Variants in ZNF564 observed in about 807,000 individuals in gnomAD.
The protein encoded by ZNF564 is zinc finger protein 564.
In ZNF564, 5 loss-of-function variants were observed where a neutral mutation model predicts 10.5. The ratio of observed to expected loss-of-function variants is 0.48; its 90% confidence interval spans 0.25 to 1.00. ZNF564 has a LOEUF of 1.00. Among genes scored for constraint, ZNF564 ranks in the 50% least tolerant of loss-of-function variants. The probability of loss-of-function intolerance (pLI) is 0.16; values close to 1 mark genes in which losing one functional copy is unlikely to be tolerated. For synonymous variants in ZNF564, 242 were observed against 218.1 expected (o/e 1.11, Z -0.97); for missense variants, 603 against 669.7 (o/e 0.90, Z 1.10).
chr19:12,528,226 C>G, intron 3 of ZNF564, 78 bp downstream of exon 3: 1 of 1,345,916 alleles, frequency 7.4e-7, no homozygotes. Context: ...GCTGGGCTTA[C>G]TGGTTTGTTT....
chr19:12,532,057 A>C (rs1355500127), intron 1 of ZNF564, among the ~76,000 whole-genome samples: 3 of 152,150 alleles, frequency 2.0e-5, no homozygotes, highest in Admixed American at 6.5e-5. Context: ...AAAGGAAAAA[A>C]CACAGAGATA....
In ZNF564 at chr19:12,527,010, T is replaced by C. The variant is rs1427961591; in HGVS notation, c.1098A>G (p.Glu366=). 6.2e-7 allele frequency: 1 copy of C among 1,614,020 alleles called. No homozygotes were observed. Among genetic ancestry groups the C allele is most frequent in the South Asian group, 1.1e-5 (1 of 91,068 alleles). The change falls in exon 4 of 4, where the codon GAA becomes GAG. Residue 366 remains glutamate, a synonymous_variant. Coordinates refer to ENST00000339282, the MANE Select transcript of ZNF564 (RefSeq NM_144976.4). ...ERTHTGEKPY[E]CKECGKAFIS... ...TGAAGGCTTTCCCGCATTCCTTACA[T>C]TCATAGGGCTTCTCTCCAGTGTGAG...
chr19:12,535,945 G>A (rs2021901154), intron 1 of ZNF564, among the ~76,000 whole-genome samples: 1 of 150,792 alleles, frequency 6.6e-6, no homozygotes, highest in Non-Finnish European at 1.5e-5. Context: ...CCCGGGAGGT[G>A]CAGGTTGCAC....
In ZNF564 at chr19:12,528,555, T is replaced by A; in HGVS notation, c.130+15A>T. 6.2e-7 allele frequency: 1 copy of A among 1,609,882 alleles called. No individual in the cohort carries two copies. The highest frequency in any genetic ancestry group is 8.5e-7 in the Non-Finnish European group (1 of 1,179,042). On this transcript the variant is annotated intron_variant, in intron 2 of 3. Coordinates refer to ENST00000339282, the MANE Select transcript of ZNF564 (RefSeq NM_144976.4). ...TTCTCTAACTGACTAAAAGAAGGAA[T>A]GATGTCATCCTTACCTACACAGGCC...
At chr19:12,533,544 T>G (rs933568108) in intron 1 of ZNF564, among the ~76,000 whole-genome samples, 2 of 151,922 alleles carry the variant, frequency 1.3e-5, no homozygotes, top group African/African-American at 4.8e-5. Flanking sequence ...CTGGACAACA[T>G]GGTAAAACCT....
In ZNF564 at chr19:12,527,244, C is replaced by T; in HGVS notation, c.864G>A (p.Lys288=). 6.2e-7 allele frequency: 1 copy of T among 1,613,434 alleles called. No homozygotes were observed. Among genetic ancestry groups the T allele is most frequent in the African/African-American group, 1.3e-5 (1 of 74,768 alleles). Reference sequence around the variant, plus strand: ...GAAAATTTGTGAAAGAAATGAAGGCCTTCCCACACTGTTTACATTCATGGG... The same window carrying T: ...GAAAATTTGTGAAAGAAATGAAGGCTTTCCCACACTGTTTACATTCATGGG... The part of the protein sequence containing the change: ...EKPHECKQCG[K]AFISFTNFQS... Residue 288 remains lysine (K), a synonymous_variant, in exon 4 of 4, where the codon AAG becomes AAA. Transcript: ENST00000339282.
rs763823431 is a variant in ZNF564, at chr19:12,526,874, C to T, written c.1234G>A (p.Glu412Lys). ...GGTTTCTCTCCAGTGTGAGTTCTTT[C>T]GTGTATTTGAAATGAACTGGGACAG... Reference protein sequence around the residue: ...FDCPSSFQIHERTHTGEKPYE... With the variant: ...FDCPSSFQIHKRTHTGEKPYE... Residue 412 changes from glutamate to lysine, a missense_variant, in exon 4 of 4, where the codon GAA (glutamate) becomes AAA (lysine). Coordinates refer to ENST00000339282, the MANE Select transcript of ZNF564 (RefSeq NM_144976.4). The T allele has an allele frequency of 5.1e-5, 82 of 1,613,946 alleles. 1 individual carries two copies. In the Admixed American group the frequency reaches 6.2e-4, roughly 12 times the overall value.
At chr19:12,547,907 G>A (rs551683274) in intron 1 of ZNF564, among the ~76,000 whole-genome samples, 2 of 152,010 alleles carry the variant, frequency 1.3e-5, no homozygotes, top group South Asian at 2.1e-4. Flanking sequence ...CGCCTGCTGG[G>A]TTCAAGCAAT....
intron 1 of ZNF564, among the ~76,000 whole-genome samples, chr19:12,551,121 C>G (rs1178103023): frequency 2.0e-5 from 3 of 152,270 alleles, no homozygotes; most frequent in Non-Finnish European, 2.9e-5. Flanking sequence ...CCGCAGTCGC[C>G]GCGCAGGGAC....
In ZNF564 at chr19:12,526,873, T is replaced by C. The variant is rs760627808; in HGVS notation, c.1235A>G (p.Glu412Gly). ...GGGTTTCTCTCCAGTGTGAGTTCTT[T>C]CGTGTATTTGAAATGAACTGGGACA... ...FDCPSSFQIH[E>G]RTHTGEKPYE... is the part of the protein sequence containing the mutation. Residue 412 changes from glutamate (E) to glycine (G), a missense_variant, in exon 4 of 4, where the codon GAA (glutamate) becomes GGA (glycine). By Grantham distance (98) the Glu-to-Gly change is moderately conservative (BLOSUM62 -2). Coordinates refer to ENST00000339282, the MANE Select transcript of ZNF564 (RefSeq NM_144976.4). 6 of 1,614,114 alleles carry C rather than the reference T, an allele frequency of 3.7e-6. No individual in the cohort carries two copies. Among genetic ancestry groups the C allele is most frequent in the Non-Finnish European group, 4.2e-6 (5 of 1,180,002 alleles).
At chr19:12,551,292 CT>C (rs1443786319) in intron 1 of ZNF564, 37 bp downstream of exon 1, 4 of 1,599,056 alleles carry the variant, frequency 2.5e-6, no homozygotes, top group African/African-American at 1.3e-5. Flanking sequence ...CCACAAGCCC[CT>C]CCCCCAGTCT....
Position 12,527,490 on chromosome 19 carries a change from A to G in ZNF564, c.618T>C (p.Phe206=), listed in dbSNP as rs756245841. ...GTATCTGAAATAAACTTGGGCGATC[A>G]AAGGCTTTCCCACATTCCTGACATT... The part of the protein sequence containing the change: ...PYKCQECGKA[F]DRPSLFQIHE... Residue 206 remains phenylalanine (F), a synonymous_variant, in exon 4 of 4, where the codon TTT becomes TTC. Coordinates refer to ENST00000339282, the MANE Select transcript of ZNF564 (RefSeq NM_144976.4). 28 of 1,614,018 alleles carry G rather than the reference A, an allele frequency of 1.7e-5. No homozygotes were observed. The highest frequency in any genetic ancestry group is 2.4e-5 in the Non-Finnish European group (28 of 1,179,960).
chr19:12,546,603 C>T (rs2022159792), intron 1 of ZNF564, among the ~76,000 whole-genome samples: 1 of 152,052 alleles, frequency 6.6e-6, no homozygotes, highest in South Asian at 2.1e-4. Flanking sequence ...TGGTGGTGGG[C>T]ACCTGTAGTC....
At chr19:12,533,271 A>C (rs2021843037) in intron 1 of ZNF564, among the ~76,000 whole-genome samples, 1 of 152,242 alleles carries the variant, frequency 6.6e-6, no homozygotes, top group Non-Finnish European at 1.5e-5. Flanking sequence ...CACATGGATC[A>C]AAGAAGTCTG....
chr19:12,546,682 G>T (rs1004724624), intron 1 of ZNF564, among the ~76,000 whole-genome samples: 6 of 152,176 alleles, frequency 3.9e-5, no homozygotes, highest in Admixed American at 1.3e-4. Context: ...AGTGAGCCAA[G>T]ATCGCGCCAC....
At chr19:12,543,258 C>T (rs2022091464) in intron 1 of ZNF564, among the ~76,000 whole-genome samples, 1 of 142,042 alleles carries the variant, frequency 7.0e-6, no homozygotes, top group Admixed American at 7.4e-5. Context: ...GCTGATATCA[C>T]ACCACTGCAC....
chr19:12,536,979 C>T (rs1025400375), intron 1 of ZNF564, among the ~76,000 whole-genome samples: 1 of 152,164 alleles, frequency 6.6e-6, no homozygotes, highest in Non-Finnish European at 1.5e-5. Context: ...ATCCTCCCAT[C>T]TTCTTCTGCC....
chr19:12,533,579 T>C (rs2021848787), intron 1 of ZNF564, among the ~76,000 whole-genome samples: 2 of 151,894 alleles, frequency 1.3e-5, no homozygotes, highest in African/African-American at 4.8e-5. Flanking sequence ...ATACAAAAAT[T>C]AGCTGGGTGT....
chr19:12,539,677 AAAAAG>A (rs2022000263), intron 1 of ZNF564, among the ~76,000 whole-genome samples: 1 of 142,460 alleles, frequency 7.0e-6, no homozygotes, highest in African/African-American at 2.6e-5. Context: ...CAAAAAGACA[AAAAAG>A]AAAAAGAAAA....
Sources: gnomAD v4.1 joint callset for allele counts (sites outside exome capture counted in the v4.1 genomes callset) on GRCh38, gnomAD v4.1.1 for gene constraint, MANE v1.5 for transcripts, NCBI Gene and HGNC (gene_info 2026-07-23, HGNC 2026-07-21) for gene names.